TMEM119: variants seen among roughly 807,000 people sequenced by gnomAD.
The protein encoded by TMEM119 is osteoblast induction factor.
For missense variants in TMEM119, 410 were observed against 381.0 expected, an observed-to-expected ratio of 1.08 and a Z score of -0.63; for synonymous variants, 182 against 176.4, an observed-to-expected ratio of 1.03 and a Z score of -0.25.
At chr12:108,594,702 GA>G (rs1188611603) in intron 1 of TMEM119, among the ~76,000 whole-genome samples, 1 of 152,102 alleles carries the variant, frequency 6.6e-6, no homozygotes, top group African/African-American at 2.4e-5. Flanking sequence ...AGCACTTTGG[GA>G]GGCCGAGGCC....
rs1466063135 is a variant in TMEM119 at position 108,591,596 on chromosome 12, G to A, written c.788C>T (p.Ala263Val). The change falls in exon 2 of 2, where the codon GCC becomes GTC. Residue 263 changes from alanine (A) to valine (V), a missense_variant. Transcript: ENST00000392806. This position sits in a 1 kb window ranked among gnomAD's most constrained non-coding sequence, Gnocchi z 4.2. The part of the protein sequence containing the change: ...LEGSLLLAQE[A>V]QGPVGPPESP... ...TTCGGGGGGACCCACTGGTCCCTGG[G>A]CTTCCTGGGCTAACAAGAGAGACCC... 1.2e-6 allele frequency: 2 copies of A among 1,613,612 alleles called. No homozygotes were observed. Among genetic ancestry groups the A allele is most frequent in the Admixed American group, 1.7e-5 (1 of 59,962 alleles).
In TMEM119 at chr12:108,591,160, A is replaced by C. The variant is rs2031386550; in HGVS notation, c.*372T>G. On this transcript the variant is annotated 3_prime_UTR_variant, in exon 2 of 2. Coordinates refer to ENST00000392806, the MANE Select transcript of TMEM119 (RefSeq NM_181724.3). This position sits in a 1 kb window ranked among gnomAD's most constrained non-coding sequence, Gnocchi z 4.2. ...GGCTGGTTTGGAACTCCTGGTCTCA[A>C]GTGATGTCCGCACTTGGCCTCCCAA... 1 of 192,304 alleles carries C rather than the reference A, an allele frequency of 5.2e-6. No individual in the cohort carries two copies. Among genetic ancestry groups the C allele is most frequent in the South Asian group, 1.8e-4 (1 of 5,506 alleles). 11.9% of individuals were successfully genotyped at this position (192,304 alleles called of 1,614,324 possible).
At chr12:108,595,473 C>A (rs955815702) in intron 1 of TMEM119, among the ~76,000 whole-genome samples, 1 of 150,038 alleles carries the variant, frequency 6.7e-6, no homozygotes, top group Non-Finnish European at 1.5e-5. Flanking sequence ...CACACATGCA[C>A]ACACACCCCA....
intron 1 of TMEM119, among the ~76,000 whole-genome samples, chr12:108,595,877 C>A (rs571639964): frequency 1.3e-5 from 2 of 152,336 alleles, no homozygotes; most frequent in African/African-American, 4.8e-5. Flanking sequence ...CACCCCCAGT[C>A]AAGCCTAGGA....
At position 108,592,878 on chromosome 12, in the gene TMEM119, T is replaced by A. The variant is rs2031442022; in HGVS notation, c.-14-481A>T. 6.6e-6 allele frequency among the ~76,000 whole-genome samples: 1 copy of A among 151,850 alleles called. No individual in the cohort carries two copies. Among genetic ancestry groups the A allele is most frequent in the South Asian group, 2.1e-4 (1 of 4,804 alleles). On this transcript the variant is annotated intron_variant, in intron 1 of 1. Coordinates refer to ENST00000392806, the MANE Select transcript of TMEM119 (RefSeq NM_181724.3). The surrounding 1 kb of genome is among the most constrained non-coding windows in gnomAD (Gnocchi z 4.3). ...ACGTGGTGACTTGCCAGGGAAGAGC[T>A]GGGTCTGGATCCAAGCAGAGAGGGA...
At chr12:108,597,716 A>G (rs1417365601) in intron 1 of TMEM119, among the ~76,000 whole-genome samples, 1 of 152,018 alleles carries the variant, frequency 6.6e-6, no homozygotes, top group Non-Finnish European at 1.5e-5. Flanking sequence ...ATCCACTTGC[A>G]GAAAAGTGGA....
Position 108,591,476 on chromosome 12 carries a change from CG to C in TMEM119, c.*55del, listed in dbSNP as rs940585822. 9 of 1,517,336 alleles carry C rather than the reference CG, an allele frequency of 5.9e-6. No homozygotes were observed. The African/African-American group carries it at 1.1e-4, about 19-fold the overall frequency. 94.0% of individuals were successfully genotyped at this position (1,517,336 alleles called of 1,614,324 possible). ...TCAGGGCTGAAGGCCTTTTCATACACGGGGAGGTGACCACTTGGGGGCCCGA... is the reference window on the plus strand; with the variant it reads ...TCAGGGCTGAAGGCCTTTTCATACACGGGAGGTGACCACTTGGGGGCCCGA... On this transcript the variant is annotated 3_prime_UTR_variant, in exon 2 of 2. Transcript: ENST00000392806. This position sits in a 1 kb window ranked among gnomAD's most constrained non-coding sequence, Gnocchi z 4.2.
At chr12:108,597,098 C>T (rs1337100179) in intron 1 of TMEM119, among the ~76,000 whole-genome samples, 1 of 152,204 alleles carries the variant, frequency 6.6e-6, no homozygotes, top group Non-Finnish European at 1.5e-5. Flanking sequence ...GCAGGTACCA[C>T]GTGATTGCCC....
rs2136746540 is a variant in TMEM119 at position 108,598,047 on chromosome 12, T to A, written c.-92A>T. ...GGGGCACCTGGGCTGGAAGAGAGAGTCCGTGCTGGTGCCCGGGGCTGCTCT... is the reference window on the plus strand; with the variant it reads ...GGGGCACCTGGGCTGGAAGAGAGAGACCGTGCTGGTGCCCGGGGCTGCTCT... On this transcript the variant is annotated 5_prime_UTR_variant, in exon 1 of 2. Coordinates refer to ENST00000392806, the MANE Select transcript of TMEM119 (RefSeq NM_181724.3). The A allele has an allele frequency of 6.6e-6, 1 of 152,254 alleles. No homozygotes were observed. Among genetic ancestry groups the A allele is most frequent in the African/African-American group, 2.4e-5 (1 of 41,486 alleles). The allele number at this position is 152,254 out of a possible 1,614,324, so 9.4% of individuals were successfully genotyped here.
At chr12:108,595,298 A>G (rs2031485196) in intron 1 of TMEM119, among the ~76,000 whole-genome samples, 1 of 149,286 alleles carries the variant, frequency 6.7e-6, no homozygotes. Context: ...CCCACACATA[A>G]TCATGCACAC....
chr12:108,597,614 A>G (rs11114004), intron 1 of TMEM119, among the ~76,000 whole-genome samples: 13,323 of 151,784 alleles, frequency 0.088, 1,434 homozygotes, highest in African/African-American at 0.26. Context: ...ACACATATAC[A>G]TACACAACCC....
Position 108,591,608 on chromosome 12 carries a change from A to T in TMEM119, c.776T>A (p.Leu259Ter). Residue 259 changes from leucine to a stop codon, truncating the protein, a stop_gained, in exon 2 of 2, where the codon TTA (leucine) becomes TAA (stop). Transcript: ENST00000392806. LOFTEE classifies it low-confidence loss of function (END_TRUNC). The surrounding 1 kb of genome is among the most constrained non-coding windows in gnomAD (Gnocchi z 4.2). ...CACTGGTCCCTGGGCTTCCTGGGCTAACAAGAGAGACCCTTCCAGCTCCCC... is the reference window on the plus strand; with the variant it reads ...CACTGGTCCCTGGGCTTCCTGGGCTTACAAGAGAGACCCTTCCAGCTCCCC... ...GQGELEGSLLLAQEAQGPVGP... is the reference protein window; with the variant it reads ...GQGELEGSLL 6.2e-7 allele frequency: 1 copy of T among 1,613,890 alleles called. No individual in the cohort carries two copies. Among genetic ancestry groups the T allele is most frequent in the Non-Finnish European group, 8.5e-7 (1 of 1,179,934 alleles).
In TMEM119 at chr12:108,590,274, G is replaced by A. The variant is rs1367359253; in HGVS notation, c.*1258C>T. On this transcript the variant is annotated 3_prime_UTR_variant, in exon 2 of 2. Transcript: ENST00000392806. Reference sequence around the variant, plus strand: ...GGGGTGCTTGGAGAGCGCTTGAGAGGATTTAAATGCCCTATACCCCACATC... The same window carrying A: ...GGGGTGCTTGGAGAGCGCTTGAGAGAATTTAAATGCCCTATACCCCACATC... The A allele has an allele frequency of 6.6e-6, 1 of 152,104 alleles. No homozygotes were observed. Among genetic ancestry groups the A allele is most frequent in the Non-Finnish European group, 1.5e-5 (1 of 68,042 alleles). 9.4% of individuals were successfully genotyped at this position (152,104 alleles called of 1,614,324 possible).
intron 1 of TMEM119, among the ~76,000 whole-genome samples, chr12:108,593,399 G>A (rs1351684066): frequency 1.3e-5 from 2 of 151,852 alleles, no homozygotes; most frequent in Non-Finnish European, 2.9e-5. Context: ...AGCCGAGATC[G>A]CGCCACTGCA....
chr12:108,595,580 A>G (rs1398761840), intron 1 of TMEM119, among the ~76,000 whole-genome samples: 2 of 151,284 alleles, frequency 1.3e-5, no homozygotes, highest in Non-Finnish European at 3.0e-5. Flanking sequence ...ACACATTCAC[A>G]TACTACACAC....
intron 1 of TMEM119, chr12:108,594,349 G>A (rs2031468429): frequency 6.6e-6 from 1 of 152,258 alleles, no homozygotes. Context: ...GAGCTCAGGA[G>A]TTCAAGACCA....
intron 1 of TMEM119, among the ~76,000 whole-genome samples, chr12:108,597,747 A>C (rs1193563388): frequency 2.0e-5 from 3 of 151,776 alleles, no homozygotes; most frequent in Non-Finnish European, 4.4e-5. Flanking sequence ...CCCCTACACC[A>C]AGGCCCCAGC....
rs1321294406 is a variant in TMEM119, at chr12:108,591,649, C to T, written c.735G>A (p.Val245=). 6.2e-7 allele frequency: 1 copy of T among 1,614,008 alleles called. No individual in the cohort carries two copies. The highest frequency in any genetic ancestry group is 2.2e-5 in the East Asian group (1 of 44,868). Residue 245 remains valine, a synonymous_variant, in exon 2 of 2, where the codon GTG becomes GTA. Transcript: ENST00000392806. The surrounding 1 kb of genome is among the most constrained non-coding windows in gnomAD (Gnocchi z 4.2). ...CCAGCTCCCCTTGGCCCTCACCGGC[C>T]ACCACAGCCCCCTCAAGGACCCCTG... ...PCSGVLEGAV[V]AGEGQGELEG...
In TMEM119 at chr12:108,592,274, T is replaced by C. The variant is rs1421765706; in HGVS notation, c.110A>G (p.Asp37Gly). ...SVPLKATFLE[D>G]VAGSGEAEGS... Reference sequence around the variant, plus strand: ...CTCGGCCTCCCCACTACCCGCCACATCCTCCAGGAACGTGGCCTTCAGGGG... The same window carrying C: ...CTCGGCCTCCCCACTACCCGCCACACCCTCCAGGAACGTGGCCTTCAGGGG... The change falls in exon 2 of 2, where the codon GAT (aspartate) becomes GGT (glycine). Residue 37 changes from aspartate to glycine, a missense_variant. Transcript: ENST00000392806. The surrounding 1 kb of genome is among the most constrained non-coding windows in gnomAD (Gnocchi z 4.3). 6.2e-7 allele frequency: 1 copy of C among 1,610,064 alleles called. No homozygotes were observed. Among genetic ancestry groups the C allele is most frequent in the Non-Finnish European group, 8.5e-7 (1 of 1,179,044 alleles).
Sources: allele counts gnomAD v4.1 joint callset (sites outside exome capture counted in the v4.1 genomes callset), GRCh38; gene constraint gnomAD v4.1.1; non-coding constraint Gnocchi (gnomAD v3.1); transcripts MANE v1.5; gene names NCBI Gene and HGNC (gene_info 2026-07-23, HGNC 2026-07-21).